Variants in MTMR10 observed in about 807,000 individuals in gnomAD.
The protein encoded by MTMR10 is myotubularin related protein 10.
Under a neutral mutation model 88.1 loss-of-function variants are expected in MTMR10, and 56 were observed. The ratio of observed to expected loss-of-function variants is 0.64; its 90% CI spans 0.51 to 0.79. The LOEUF is 0.79. Ranked by LOEUF, MTMR10 falls within the 30% of genes least tolerant of loss-of-function variation. The pLI is 0.00. For synonymous variants in MTMR10, 380 were observed against 340.9 expected (o/e 1.11, Z -1.26); for missense variants, 883 against 924.7 (o/e 0.95, Z 0.58).
At chr15:30,924,312 G>C in the MTMR10 span, among the ~76,000 whole-genome samples, 1 of 152,156 alleles carries the variant, frequency 6.6e-6, no homozygotes, top group South Asian at 2.1e-4. Flanking sequence ...ATGAACCTCT[G>C]TTTCAGTCCC....
At chr15:30,970,715 A>G (rs913665353) in intron 5 of MTMR10, among the ~76,000 whole-genome samples, 1 of 152,168 alleles carries the variant, frequency 6.6e-6, no homozygotes, top group African/African-American at 2.4e-5. Context: ...GCCATGAGGC[A>G]AAAAAGAAAT....
chr15:30,939,965 C>G lies in MTMR10; in HGVS notation c.*1505G>C. ...TTAAGAACTCCTGTCCTGTTATATC[C>G]AGAGACATTATCAAATTTTAAAAGG... On this transcript the variant is annotated 3_prime_UTR_variant, in exon 16 of 16. Coordinates refer to ENST00000435680, the MANE Select transcript of MTMR10 (RefSeq NM_017762.3). 1 of 982,530 alleles carries G rather than the reference C, an allele frequency of 1.0e-6. No individual in the cohort carries two copies. Among genetic ancestry groups the G allele is most frequent in the Non-Finnish European group, 1.2e-6 (1 of 827,360 alleles). The allele number at this position is 982,530 out of a possible 1,614,324, so 60.9% of individuals were successfully genotyped here.
the MTMR10 span, among the ~76,000 whole-genome samples, chr15:30,920,082 A>G: frequency 6.6e-6 from 1 of 152,258 alleles, no homozygotes; most frequent in Admixed American, 6.5e-5. Flanking sequence ...CTGCTGTTTT[A>G]GTGCAAAAGC....
At chr15:30,922,477 C>T in the MTMR10 span, 2 of 1,018,024 alleles carry the variant, frequency 2.0e-6, no homozygotes, top group African/African-American at 1.6e-5. Context: ...TGTTAACATT[C>T]TTCTTTTGTC....
chr15:30,954,357 T>C (rs945737481), intron 10 of MTMR10, among the ~76,000 whole-genome samples: 1 of 152,212 alleles, frequency 6.6e-6, no homozygotes, highest in East Asian at 1.9e-4. Context: ...TGCTCAGATA[T>C]ATCAGAATTC....
At chr15:30,955,021 C>CTT (rs374377748) in intron 9 of MTMR10, 128 bp from the exon 10 acceptor site, 460 of 575,684 alleles carry the variant, frequency 8.0e-4, no homozygotes, top group Non-Finnish European at 9.4e-4. Flanking sequence ...ATGGAGTTTA[C>CTT]TTTTTTTTTT....
chr15:30,941,890 G>A lies in MTMR10; in HGVS notation c.1914C>T (p.Pro638=), dbSNP rs369696876. ...GCAGAATAACACCGTGCAGGTTGGCGGGTTTGGAAAACCATTCTCTAAAAT... is the reference window on the plus strand; with the variant it reads ...GCAGAATAACACCGTGCAGGTTGGCAGGTTTGGAAAACCATTCTCTAAAAT... ...EQYFREWFSK[P]ANLHGVILPR... The change falls in exon 16 of 16, where the codon CCC becomes CCT. Residue 638 remains proline, a synonymous_variant. Coordinates refer to ENST00000435680, the MANE Select transcript of MTMR10 (RefSeq NM_017762.3). The A allele has an allele frequency of 1.1e-4, 178 of 1,613,898 alleles. No individual in the cohort carries two copies. Among genetic ancestry groups the A allele is most frequent in the Non-Finnish European group, 1.4e-4 (162 of 1,179,902 alleles).
At chr15:30,963,986 T>C (rs759352208) in intron 6 of MTMR10, among the ~76,000 whole-genome samples, 1 of 151,768 alleles carries the variant, frequency 6.6e-6, no homozygotes, top group East Asian at 1.9e-4. Flanking sequence ...CAGAAAAACA[T>C]ATGATAGATA....
At chr15:30,958,151 T>C (rs529587469) in intron 9 of MTMR10, among the ~76,000 whole-genome samples, 1 of 152,324 alleles carries the variant, frequency 6.6e-6, no homozygotes, top group South Asian at 2.1e-4. Flanking sequence ...ACTGAAGATA[T>C]AAATGTGTTG....
intron 2 of MTMR10, among the ~76,000 whole-genome samples, chr15:30,981,278 C>G (rs894624823): frequency 2.2e-4 from 33 of 152,212 alleles, no homozygotes; most frequent in African/African-American, 8.0e-4. Context: ...GTGGGCTGCA[C>G]TTAGTGATTT....
At chr15:30,936,595 G>T (rs2062859302), downstream of MTMR10, among the ~76,000 whole-genome samples, 1 of 152,198 alleles carries the variant, frequency 6.6e-6, no homozygotes, top group African/African-American at 2.4e-5. Context: ...GCTACATACA[G>T]ACGCTTCTCA....
chr15:30,963,661 A>ATAGACAGACAGATAGG (rs60747628), intron 6 of MTMR10, among the ~76,000 whole-genome samples: 2 of 149,738 alleles, frequency 1.3e-5, no homozygotes, highest in Admixed American at 6.7e-5. Flanking sequence ...AGATAGATAG[A>ATAGACAGACAGATAGG]TAGACAGACA....
Position 30,940,030 on chromosome 15 carries a change from A to C in MTMR10, c.*1440T>G. The C allele has an allele frequency of 1.0e-6, 1 of 976,726 alleles. No individual in the cohort carries two copies. The highest frequency in any genetic ancestry group is 1.2e-6 in the Non-Finnish European group (1 of 822,048). 60.5% of individuals were successfully genotyped at this position (976,726 alleles called of 1,614,324 possible). On this transcript the variant is annotated 3_prime_UTR_variant, in exon 16 of 16. Coordinates refer to ENST00000435680, the MANE Select transcript of MTMR10 (RefSeq NM_017762.3). Reference sequence around the variant, plus strand: ...AGAAACAGCTATTCAGTACATATAAAGGTAAAATACAGTTATCTTGAAAAC... The same window carrying C: ...AGAAACAGCTATTCAGTACATATAACGGTAAAATACAGTTATCTTGAAAAC...
the MTMR10 span, chr15:30,928,399 G>A: frequency 2.0e-5 from 29 of 1,463,588 alleles, no homozygotes; most frequent in Non-Finnish European, 2.6e-5. Flanking sequence ...TGGGAATGGC[G>A]TGAAAACAGC....
chr15:30,929,208 C>T, the MTMR10 span: 1 of 1,610,848 alleles, frequency 6.2e-7, no homozygotes, highest in Non-Finnish European at 8.5e-7. Flanking sequence ...CACAGGCATT[C>T]CCCCTGGACT....
chr15:30,927,729 C>T, the MTMR10 span: 1 of 985,662 alleles, frequency 1.0e-6, no homozygotes, highest in African/African-American at 1.7e-5. Flanking sequence ...ATCCATGTGG[C>T]CTCCTCCTCT....
At chr15:30,947,448 C>T in intron 13 of MTMR10, 148 bp from the exon 14 acceptor site, 1 of 879,460 alleles carries the variant, frequency 1.1e-6, no homozygotes. Flanking sequence ...GAGCTATACA[C>T]ATCTATCAAA....
the MTMR10 span, chr15:30,924,959 C>G: frequency 1.5e-6 from 1 of 651,766 alleles, no homozygotes; most frequent in Non-Finnish European, 2.5e-6. Flanking sequence ...CATTGAAATC[C>G]TCAGAATAAG....
At position 30,954,108 on chromosome 15, in the gene MTMR10, C is replaced by T. The variant is rs80243678; in HGVS notation, c.1067-477G>A. On this transcript the variant is annotated intron_variant, in intron 10 of 15. Transcript: ENST00000435680. ...TGCATGAGGACAGGCATCCTCACTG[C>T]CCTGCCCAGAGTGCACATAATCATT... Among the ~76,000 whole-genome samples the T allele has an allele frequency of 2.5e-3, 387 of 152,322 alleles. 1 individual carries two copies. The highest frequency in any genetic ancestry group is 8.6e-3 in the African/African-American group (359 of 41,576).
Sources: allele counts gnomAD v4.1 joint callset (sites outside exome capture counted in the v4.1 genomes callset), GRCh38; gene constraint gnomAD v4.1.1; transcripts MANE v1.5; gene names NCBI Gene and HGNC (gene_info 2026-07-23, HGNC 2026-07-21).